CDADC1: variants seen among roughly 807,000 people sequenced by gnomAD.
The protein encoded by CDADC1 is dCTP deaminase.
Under a neutral mutation model 54.9 loss-of-function variants are expected in CDADC1, and 39 were observed. The ratio of observed to expected loss-of-function variants is 0.71; its 90% CI spans 0.55 to 0.93. CDADC1 has a LOEUF of 0.93. CDADC1 is among the 40% of genes least tolerant of loss of function. The pLI is 0.00. For missense variants in CDADC1, 518 were observed against 618.8 expected (o/e 0.84, Z 1.73); for synonymous variants, 186 against 204.0 (o/e 0.91, Z 0.75).
At position 49,292,631 on chromosome 13, in the gene CDADC1, A is replaced by T. The variant is rs960876368; in HGVS notation, c.*874A>T. 1 of 1,170,916 alleles carries T rather than the reference A, an allele frequency of 8.5e-7. No homozygotes were observed. The highest frequency in any genetic ancestry group is 4.1e-5 in the Admixed American group (1 of 24,658). The allele number at this position is 1,170,916 out of a possible 1,614,324, so 72.5% of individuals were successfully genotyped here. ...AAGAGCCTTTTAAAAACATTTGCCA[A>T]CCTCAAGAATAAATACTGAAAGTCT... On this transcript the variant is annotated 3_prime_UTR_variant, in exon 10 of 10. Transcript: ENST00000251108.
intron 5 of CDADC1, among the ~76,000 whole-genome samples, chr13:49,269,861 AT>A (rs1392657969): frequency 6.6e-6 from 1 of 152,244 alleles, no homozygotes; most frequent in Non-Finnish European, 1.5e-5. Flanking sequence ...TATATTGTTT[AT>A]TAGATACTCT....
At chr13:49,283,006 A>G (rs371649055) in intron 8 of CDADC1, among the ~76,000 whole-genome samples, 3 of 152,240 alleles carry the variant, frequency 2.0e-5, no homozygotes, top group Non-Finnish European at 4.4e-5. Flanking sequence ...ATGACATCCA[A>G]TGATTTAATC....
intron 8 of CDADC1, 124 bp downstream of exon 8, chr13:49,280,822 T>TTATTA (rs1449644470): frequency 9.0e-6 from 2 of 221,382 alleles, no homozygotes; most frequent in Non-Finnish European, 1.7e-5. Context: ...ATTATTATTA[T>TTATTA]TATTATTATT....
At chr13:49,259,565 T>C in intron 4 of CDADC1, 42 bp downstream of exon 4, 1 of 1,585,674 alleles carries the variant, frequency 6.3e-7, no homozygotes, top group Admixed American at 1.7e-5. Context: ...AGAGTATTTA[T>C]CTGGGATGGG....
chr13:49,267,530 A>G lies in CDADC1; in HGVS notation c.471A>G (p.Glu157=). 1 of 1,613,760 alleles carries G rather than the reference A, an allele frequency of 6.2e-7. No homozygotes were observed. The highest frequency in any genetic ancestry group is 8.5e-7 in the Non-Finnish European group (1 of 1,179,894). ...TTTCATACTGGCCTGCTGATCCAGA[A>G]ATAAGTTTGCTTACGGAGGCTTCTA... ...NRISYWPADP[E]ISLLTEASSS... The change falls in exon 5 of 10, where the codon GAA becomes GAG. Residue 157 remains glutamate, a synonymous_variant. Coordinates refer to ENST00000251108, the MANE Select transcript of CDADC1 (RefSeq NM_030911.4).
intron 9 of CDADC1, among the ~76,000 whole-genome samples, chr13:49,290,446 A>G (rs747076031): frequency 7.2e-5 from 11 of 152,100 alleles, no homozygotes; most frequent in Admixed American, 1.3e-4. Context: ...CAAATATTAC[A>G]TGATATGATG....
At chr13:49,273,527 T>G (rs993424088) in intron 5 of CDADC1, among the ~76,000 whole-genome samples, 5 of 152,210 alleles carry the variant, frequency 3.3e-5, no homozygotes, top group African/African-American at 9.6e-5. Flanking sequence ...TGTTTCAGAT[T>G]AATGGTTTTA....
intron 8 of CDADC1, among the ~76,000 whole-genome samples, chr13:49,284,568 G>A (rs939492756): frequency 1.3e-4 from 20 of 152,132 alleles, no homozygotes; most frequent in East Asian, 7.7e-4. Flanking sequence ...GTGGTTTGAC[G>A]TCTTTCAAAA....
intron 8 of CDADC1, among the ~76,000 whole-genome samples, chr13:49,285,733 A>T (rs1401600539): frequency 6.6e-6 from 1 of 152,152 alleles, no homozygotes; most frequent in Non-Finnish European, 1.5e-5. Context: ...CCCAGAAGTT[A>T]TATCATTCAG....
chr13:49,255,934 A>T (rs1185374660), intron 3 of CDADC1, 21 bp downstream of exon 3: 2 of 1,604,984 alleles, frequency 1.2e-6, no homozygotes, highest in South Asian at 2.3e-5. Context: ...ATGATTTCAC[A>T]TATATATGCT....
intron 2 of CDADC1, among the ~76,000 whole-genome samples, chr13:49,253,806 C>G (rs559701614): frequency 6.6e-6 from 1 of 152,136 alleles, no homozygotes; most frequent in African/African-American, 2.4e-5. Context: ...CTCAGCCTCC[C>G]GAAGTGGTAG....
intron 5 of CDADC1, among the ~76,000 whole-genome samples, chr13:49,273,266 T>G (rs1953016516): frequency 6.6e-6 from 1 of 152,180 alleles, no homozygotes; most frequent in Non-Finnish European, 1.5e-5. Flanking sequence ...TTTAGGAAAT[T>G]GTAGGGTGAA....
In CDADC1 at chr13:49,293,242, A is replaced by G. The variant is rs1014207032; in HGVS notation, c.*1485A>G. On this transcript the variant is annotated 3_prime_UTR_variant, in exon 10 of 10. Transcript: ENST00000251108. ...AACTAACATGTCATGTACACCAAAC[A>G]TTTTATAAATCAATCAGTAAATATT... 3 of 152,246 alleles carry G rather than the reference A, an allele frequency of 2.0e-5. No individual in the cohort carries two copies. The highest frequency in any genetic ancestry group is 1.3e-4 in the Admixed American group (2 of 15,282). 9.4% of individuals were successfully genotyped at this position (152,246 alleles called of 1,614,324 possible). A position where few individuals can be genotyped will look rare whatever the true frequency, so the allele number is the denominator to read the frequency against.
rs144050733 is a variant in CDADC1, at chr13:49,282,316, G to A, written c.1410+1618G>A. On this transcript the variant is annotated intron_variant, in intron 8 of 9. Coordinates refer to ENST00000251108, the MANE Select transcript of CDADC1 (RefSeq NM_030911.4). ...CTCACCCAGGCTGGAGTGCAGTGGC[G>A]CCATCTTGGCAATCTCTGTCTCCTG... is the stretch of plus-strand genomic sequence containing the variant. Among the ~76,000 whole-genome samples the A allele has an allele frequency of 4.3e-3, 614 of 143,232 alleles. 10 individuals are homozygous for A. In the East Asian group the frequency reaches 0.056, roughly 13 times the overall value. 94.0% of individuals were successfully genotyped at this position (143,232 alleles called of 152,430 possible). A position where few individuals can be genotyped will look rare whatever the true frequency, so the allele number is the denominator to read the frequency against.
At chr13:49,274,429 C>G in intron 6 of CDADC1, 89 bp downstream of exon 6, 1 of 954,446 alleles carries the variant, frequency 1.0e-6, no homozygotes, top group Non-Finnish European at 1.6e-6. Flanking sequence ...TACTGACTGC[C>G]AAGGCGGGCA....
At chr13:49,262,292 A>C (rs765494362) in intron 4 of CDADC1, among the ~76,000 whole-genome samples, 1 of 151,900 alleles carries the variant, frequency 6.6e-6, no homozygotes, top group Admixed American at 6.6e-5. Flanking sequence ...AAAATAGAAA[A>C]ATTAGCTAGG....
chr13:49,256,041 C>A, intron 3 of CDADC1, 128 bp downstream of exon 3: 1 of 1,293,246 alleles, frequency 7.7e-7, no homozygotes, highest in Non-Finnish European at 1.0e-6. Context: ...TAAAAATGGT[C>A]TGTATATTTA....
chr13:49,253,036 G>C (rs1291446541), intron 2 of CDADC1, among the ~76,000 whole-genome samples: 2 of 151,844 alleles, frequency 1.3e-5, no homozygotes, highest in East Asian at 1.9e-4. Flanking sequence ...CCAATTAAGA[G>C]AAAAAAAGTC....
At chr13:49,285,665 C>T (rs1191403509) in intron 8 of CDADC1, among the ~76,000 whole-genome samples, 1 of 152,148 alleles carries the variant, frequency 6.6e-6, no homozygotes, top group Non-Finnish European at 1.5e-5. Flanking sequence ...CTTCCACTTA[C>T]TTCCAATTAA....
Sources: allele counts gnomAD v4.1 joint callset (sites outside exome capture counted in the v4.1 genomes callset), GRCh38; gene constraint gnomAD v4.1.1; transcripts MANE v1.5; gene names NCBI Gene and HGNC (gene_info 2026-07-23, HGNC 2026-07-21).